The following HS6ST3 variants were observed in gnomAD, a reference collection of about 807,000 sequenced individuals.
HS6ST3 encodes the protein heparan-sulfate 6-O-sulfotransferase 3.
In HS6ST3, 12 loss-of-function variants were observed where a neutral mutation model predicts 36.7. That is an observed-to-expected ratio of 0.33 (90% confidence interval 0.21 to 0.53). HS6ST3 has a LOEUF of 0.53. HS6ST3 is among the 20% of genes least tolerant of loss of function. The pLI, the probability that HS6ST3 is intolerant of heterozygous loss-of-function variation, is 0.95. For missense variants in HS6ST3, 584 were observed against 640.9 expected, an observed-to-expected ratio of 0.91 and a Z score of 0.96; for synonymous variants, 240 against 257.5, an observed-to-expected ratio of 0.93 and a Z score of 0.65.
chr13:96,356,607 C>T (rs1261679254), intron 1 of HS6ST3, among the ~76,000 whole-genome samples: 1 of 152,072 alleles, frequency 6.6e-6, no homozygotes, highest in Admixed American at 6.6e-5. Context: ...CAACAATAGG[C>T]TTAAAATAAT....
chr13:96,112,486 A>G (rs1247668423), intron 1 of HS6ST3, among the ~76,000 whole-genome samples: 1 of 149,788 alleles, frequency 6.7e-6, no homozygotes, highest in Admixed American at 6.7e-5. Context: ...TAATCCCAGC[A>G]CTTTGGGAGA....
chr13:96,275,855 C>CTTT (rs766378075), intron 1 of HS6ST3, among the ~76,000 whole-genome samples: 1 of 142,680 alleles, frequency 7.0e-6, no homozygotes, highest in African/African-American at 2.6e-5. Context: ...CTCTGTCTCT[C>CTTT]TTTTTTTTTT....
chr13:96,303,119 T>C (rs1439912658), intron 1 of HS6ST3, among the ~76,000 whole-genome samples: 4 of 152,224 alleles, frequency 2.6e-5, no homozygotes, highest in Non-Finnish European at 5.9e-5. Context: ...GAGTATTGAA[T>C]TGGAAGTTTC....
intron 1 of HS6ST3, among the ~76,000 whole-genome samples, chr13:96,251,688 A>G (rs1347410987): frequency 1.3e-5 from 2 of 151,730 alleles, no homozygotes; most frequent in Admixed American, 6.6e-5. Context: ...CTAGGCCTTT[A>G]TTGCTCTAAA....
intron 1 of HS6ST3, among the ~76,000 whole-genome samples, chr13:96,665,308 A>G (rs1304860571): frequency 6.6e-6 from 1 of 152,228 alleles, no homozygotes; most frequent in Non-Finnish European, 1.5e-5. Context: ...ATTGTGCCAC[A>G]TACATAGCAA....
intron 1 of HS6ST3, among the ~76,000 whole-genome samples, chr13:96,546,519 G>A (rs2056198250): frequency 6.6e-6 from 1 of 152,090 alleles, no homozygotes; most frequent in African/African-American, 2.4e-5. Context: ...TTATGCCATG[G>A]CCTGTTTTTA....
At chr13:96,131,896 G>C (rs1172290814) in intron 1 of HS6ST3, among the ~76,000 whole-genome samples, 1 of 150,714 alleles carries the variant, frequency 6.6e-6, no homozygotes, top group South Asian at 2.1e-4. Context: ...CTTATATCAT[G>C]GAAAAGATAA....
chr13:96,330,122 T>G (rs1471094556), intron 1 of HS6ST3, among the ~76,000 whole-genome samples: 1 of 138,946 alleles, frequency 7.2e-6, no homozygotes, highest in Admixed American at 7.1e-5. Context: ...CTGATGGGTC[T>G]TGACTCTTTA....
intron 1 of HS6ST3, among the ~76,000 whole-genome samples, chr13:96,765,060 C>CTTTTTTTTTTT (rs11423735): frequency 4.8e-4 from 45 of 93,900 alleles, no homozygotes; most frequent in Non-Finnish European, 6.2e-4. Context: ...TTGTTTCTTT[C>CTTTTTTTTTTT]TTTTTTTTTT....
intron 1 of HS6ST3, among the ~76,000 whole-genome samples, chr13:96,488,661 G>A (rs949257393): frequency 3.3e-5 from 5 of 152,022 alleles, no homozygotes; most frequent in South Asian, 2.1e-4. Flanking sequence ...GTAGAACTGG[G>A]CCATGAAATC....
intron 1 of HS6ST3, among the ~76,000 whole-genome samples, chr13:96,134,454 G>T (rs528870764): frequency 6.7e-6 from 1 of 150,148 alleles, no homozygotes; most frequent in South Asian, 2.1e-4. Flanking sequence ...CTCTTTTTCT[G>T]ATTTTTATTT....
In HS6ST3 at chr13:96,744,954, T is replaced by A. The variant is rs545059697; in HGVS notation, c.708-87536T>A. ...AAATCAGATTGCTTTCTACTTTTTG[T>A]CAGTTTCACAGAGGAATCTAGTTTC... On this transcript the variant is annotated intron_variant, in intron 1 of 1. Transcript: ENST00000376705. Among the ~76,000 whole-genome samples, 4 of 152,244 alleles carry A rather than the reference T, an allele frequency of 2.6e-5. No individual in the cohort carries two copies. In the East Asian group the frequency reaches 7.7e-4, roughly 29 times the overall value.
chr13:96,633,635 C>A (rs2056539445), intron 1 of HS6ST3, among the ~76,000 whole-genome samples: 1 of 152,106 alleles, frequency 6.6e-6, no homozygotes, highest in Non-Finnish European at 1.5e-5. Flanking sequence ...CATCAATATT[C>A]TTGTTGGCCA....
chr13:96,605,882 C>CAAA, intron 1 of HS6ST3, among the ~76,000 whole-genome samples: 1 of 92,308 alleles, frequency 1.1e-5, no homozygotes. Flanking sequence ...AATTAACAAG[C>CAAA]AAAAAAAAAA....
At chr13:96,373,254 A>T (rs1594765697) in intron 1 of HS6ST3, among the ~76,000 whole-genome samples, 1 of 152,302 alleles carries the variant, frequency 6.6e-6, no homozygotes, top group East Asian at 1.9e-4. Context: ...ATAAGGTCAC[A>T]GTCACATATT....
chr13:96,321,552 G>T (rs1306845323), intron 1 of HS6ST3, among the ~76,000 whole-genome samples: 4 of 152,088 alleles, frequency 2.6e-5, no homozygotes, highest in African/African-American at 9.7e-5. Context: ...CATGTTTCCA[G>T]TATTTCTTCA....
intron 1 of HS6ST3, among the ~76,000 whole-genome samples, chr13:96,443,197 A>C (rs528445820): frequency 9.9e-5 from 15 of 152,042 alleles, no homozygotes; most frequent in African/African-American, 3.4e-4. Context: ...TTTTTTTTGT[A>C]AAAAAATTTT....
intron 1 of HS6ST3, among the ~76,000 whole-genome samples, chr13:96,698,522 A>C (rs1875194579): frequency 6.6e-6 from 1 of 152,190 alleles, no homozygotes. Context: ...CTTCAAAGAG[A>C]ATAAAATACC....
intron 1 of HS6ST3, among the ~76,000 whole-genome samples, chr13:96,520,518 T>C (rs1454360855): frequency 2.6e-5 from 4 of 152,220 alleles, no homozygotes; most frequent in Non-Finnish European, 2.9e-5. Flanking sequence ...GTTTGTGTCC[T>C]TTCTTATTTC....
Sources: allele counts gnomAD v4.1 joint callset (sites outside exome capture counted in the v4.1 genomes callset), GRCh38; gene constraint gnomAD v4.1.1; transcripts MANE v1.5; gene names NCBI Gene and HGNC (gene_info 2026-07-23, HGNC 2026-07-21).